SLMAP: variants seen among roughly 807,000 people sequenced by gnomAD.
SLMAP encodes the protein sarcolemma associated protein, also known as sarcolemmal membrane-associated protein.
SLMAP carries 44 observed loss-of-function variants against 128.8 expected under a neutral mutation model. The ratio of observed to expected loss-of-function variants is 0.34; its 90% CI spans 0.27 to 0.44. SLMAP has a LOEUF of 0.44. Among genes scored for constraint, SLMAP ranks in the 20% least tolerant of loss-of-function variants. The pLI is 1.00. For synonymous variants in SLMAP, 327 were observed against 348.8 expected (o/e 0.94, Z 0.70); for missense variants, 787 against 985.3 (o/e 0.80, Z 2.69).
intron 21 of SLMAP, 91 bp from the exon 22 acceptor site, chr3:57,916,815 A>G (rs2096823380): frequency 1.5e-5 from 15 of 986,758 alleles, no homozygotes; most frequent in South Asian, 8.2e-5. Flanking sequence ...AATCCACTCT[A>G]TCCCTTCTAG....
intron 17 of SLMAP, among the ~76,000 whole-genome samples, chr3:57,902,781 G>A (rs2096422937): frequency 6.6e-6 from 1 of 152,144 alleles, no homozygotes; most frequent in Non-Finnish European, 1.5e-5. Context: ...AGCTGTGATG[G>A]TTTTAATTTG....
chr3:57,896,699 C>T (rs1173815547), intron 16 of SLMAP, 108 bp downstream of exon 16: 18 of 1,189,498 alleles, frequency 1.5e-5, no homozygotes, highest in African/African-American at 4.7e-5. Context: ...AAAAAAAAAA[C>T]GCTTCCATTT....
At chr3:57,914,669 A>C (rs1314181910) in intron 21 of SLMAP, among the ~76,000 whole-genome samples, 2 of 151,078 alleles carry the variant, frequency 1.3e-5, no homozygotes, top group Non-Finnish European at 2.9e-5. Flanking sequence ...CACAACCTCC[A>C]CCCCCTGGGG....
chr3:57,911,332 C>G (rs1022893108), intron 19 of SLMAP, among the ~76,000 whole-genome samples: 17 of 152,180 alleles, frequency 1.1e-4, no homozygotes, highest in Admixed American at 8.5e-4. Flanking sequence ...TTAATGTTTA[C>G]TTATGTAGCA....
chr3:57,927,868 A>C lies in SLMAP; in HGVS notation c.*579A>C, dbSNP rs2097033195. 1 of 152,294 alleles carries C rather than the reference A, an allele frequency of 6.6e-6. No individual in the cohort carries two copies. The allele number at this position is 152,294 out of a possible 1,614,324, so 9.4% of individuals were successfully genotyped here. ...ATACACATATATATATTTTTTACATATTTACGCCATTTTTACTTGTTATGA... is the reference window on the plus strand; with the variant it reads ...ATACACATATATATATTTTTTACATCTTTACGCCATTTTTACTTGTTATGA... On this transcript the variant is annotated 3_prime_UTR_variant, in exon 25 of 25. Transcript: ENST00000671191.
chr3:57,888,770 T>C (rs911337466), intron 14 of SLMAP, among the ~76,000 whole-genome samples: 38 of 152,034 alleles, frequency 2.5e-4, no homozygotes, highest in Admixed American at 4.6e-4. Flanking sequence ...AATGTAAGTA[T>C]CAGAAGAAAT....
chr3:57,921,663 C>T lies in SLMAP; in HGVS notation c.2311-1226C>T, dbSNP rs192574801. ...AATAAAATAAAAATAAAATTTCTACCGAAAACAGAATTTTTAAAATGACTT... is the reference window on the plus strand; with the variant it reads ...AATAAAATAAAAATAAAATTTCTACTGAAAACAGAATTTTTAAAATGACTT... On this transcript the variant is annotated intron_variant, in intron 22 of 24. Coordinates refer to ENST00000671191, the MANE Select transcript of SLMAP (RefSeq NM_001377540.1). 5.1e-4 allele frequency among the ~76,000 whole-genome samples: 77 copies of T among 152,138 alleles called. No homozygotes were observed. The East Asian group carries it at 9.7e-3, about 19-fold the overall frequency.
chr3:57,890,265 G>A (rs2153649379), intron 15 of SLMAP, 165 bp downstream of exon 15: 1 of 545,416 alleles, frequency 1.8e-6, no homozygotes, highest in African/African-American at 1.9e-5. Context: ...TCAGACTTCT[G>A]TTTTAAGAAG....
At chr3:57,905,470 C>T (rs1289406485) in intron 17 of SLMAP, among the ~76,000 whole-genome samples, 2 of 151,936 alleles carry the variant, frequency 1.3e-5, no homozygotes, top group African/African-American at 2.4e-5. Context: ...TTAGTAGAGA[C>T]GGGTTTTACC....
intron 2 of SLMAP, among the ~76,000 whole-genome samples, chr3:57,764,499 C>T (rs575427868): frequency 1.6e-5 from 2 of 128,596 alleles, no homozygotes; most frequent in Non-Finnish European, 3.3e-5. Flanking sequence ...GAGACTGCAT[C>T]TCAAAAAAAA....
rs1252926019 is a variant in SLMAP at position 57,890,061 on chromosome 3, C to G, written c.1321C>G (p.His441Asp). 1 of 1,613,592 alleles carries G rather than the reference C, an allele frequency of 6.2e-7. No individual in the cohort carries two copies. The highest frequency in any genetic ancestry group is 1.1e-5 in the South Asian group (1 of 91,062). Reference protein sequence around the residue: ...ECQKKLIVEGHLTKAVEETKL... With the variant: ...ECQKKLIVEGDLTKAVEETKL... ...GGCAGAGAAGCTGATCGTCGAAGGG[C>G]ATCTAACCAAAGCGGTAGAAGAAAC... Residue 441 changes from histidine (H) to aspartate (D), a missense_variant, in exon 15 of 25, where the codon CAT becomes GAT. Physicochemically the swap from His to Asp is moderately conservative, Grantham distance 81 (BLOSUM62 -1). Coordinates refer to ENST00000671191, the MANE Select transcript of SLMAP (RefSeq NM_001377540.1).
chr3:57,762,003 C>T (rs1302309729), intron 2 of SLMAP, among the ~76,000 whole-genome samples: 4 of 145,300 alleles, frequency 2.8e-5, no homozygotes, highest in East Asian at 2.1e-4. Flanking sequence ...GCCGAGATTG[C>T]GCCACTGCAG....
At chr3:57,823,282 C>CAA in intron 2 of SLMAP, among the ~76,000 whole-genome samples, 1 of 151,904 alleles carries the variant, frequency 6.6e-6, no homozygotes, top group Non-Finnish European at 1.5e-5. Context: ...AGGTTTGTTA[C>CAA]ATGTATATAC....
intron 3 of SLMAP, among the ~76,000 whole-genome samples, chr3:57,835,730 A>AT (rs561896660): frequency 1.2e-3 from 177 of 152,330 alleles, no homozygotes; most frequent in Middle Eastern, 0.01. Flanking sequence ...GTAAAATAGA[A>AT]TAAAAAATAG....
At chr3:57,782,612 A>G (rs2083298302) in intron 2 of SLMAP, among the ~76,000 whole-genome samples, 2 of 152,114 alleles carry the variant, frequency 1.3e-5, no homozygotes, top group Non-Finnish European at 1.5e-5. Flanking sequence ...AGCTGGGACT[A>G]CAGGTGTGCA....
chr3:57,887,485 T>C (rs2095926517), intron 14 of SLMAP, among the ~76,000 whole-genome samples: 1 of 152,172 alleles, frequency 6.6e-6, no homozygotes, highest in Admixed American at 6.5e-5. Context: ...GTGCTGGCAT[T>C]ACAGGCATGA....
intron 20 of SLMAP, 41 bp from the exon 21 acceptor site, chr3:57,913,117 T>C (rs1378967390): frequency 1.1e-6 from 1 of 929,610 alleles, no homozygotes; most frequent in Non-Finnish European, 1.7e-6. Context: ...TTATGGAAGT[T>C]ATATTTCTGT....
At chr3:57,845,096 C>T (rs1305371876) in intron 4 of SLMAP, among the ~76,000 whole-genome samples, 1 of 152,030 alleles carries the variant, frequency 6.6e-6, no homozygotes, top group East Asian at 1.9e-4. Flanking sequence ...CACACATTTT[C>T]CATAATCAAT....
intron 2 of SLMAP, among the ~76,000 whole-genome samples, chr3:57,767,999 C>T (rs956882368): frequency 6.6e-6 from 1 of 152,136 alleles, no homozygotes; most frequent in Non-Finnish European, 1.5e-5. Flanking sequence ...TCTACTACTC[C>T]TAGAAATACA....
Sources: allele counts gnomAD v4.1 joint callset (sites outside exome capture counted in the v4.1 genomes callset), GRCh38; gene constraint gnomAD v4.1.1; transcripts MANE v1.5; gene names NCBI Gene and HGNC (gene_info 2026-07-23, HGNC 2026-07-21).